Variants in EML4 observed in about 807,000 individuals in gnomAD.
EML4 encodes EMAP like 4, also known as echinoderm microtubule-associated protein-like 4.
Under a neutral mutation model 129.0 loss-of-function variants are expected in EML4, and 72 were observed. The observed-to-expected ratio is 0.56, with a 90% CI of 0.46 to 0.68. The LOEUF is 0.68. EML4 is among the 30% of genes least tolerant of loss of function. EML4 has a pLI of 0.00. For synonymous variants in EML4, 532 were observed against 405.0 expected, an observed-to-expected ratio of 1.31 and a Z score of -3.77; for missense variants, 1,363 against 1,190.6, an observed-to-expected ratio of 1.14 and a Z score of -2.13.
intron 17 of EML4, among the ~76,000 whole-genome samples, 200 bp downstream of exon 17, chr2:42,304,751 G>A (rs1047058420): frequency 1.3e-5 from 2 of 152,158 alleles, no homozygotes; most frequent in African/African-American, 4.8e-5. Context: ...ATGCTATTGT[G>A]TGTATTCAGA....
In EML4 at chr2:42,282,960, A is replaced by G; in HGVS notation, c.929A>G (p.Asp310Gly). 1 of 1,611,424 alleles carries G rather than the reference A, an allele frequency of 6.2e-7. No homozygotes were observed. Among genetic ancestry groups the G allele is most frequent in the East Asian group, 2.2e-5 (1 of 44,816 alleles). ...CAGCGACACTACCTGGGCCATACAG[A>G]CTGTGTGAAATGGTTGGTATCATTT... ...RTQRHYLGHT[D>G]CVKCLAIHPD... The change falls in exon 8 of 23, where the codon GAC becomes GGC. Residue 310 changes from aspartate to glycine, a missense_variant. Coordinates refer to ENST00000318522, the MANE Select transcript of EML4 (RefSeq NM_019063.5).
intron 1 of EML4, among the ~76,000 whole-genome samples, chr2:42,230,483 T>C (rs914964875): frequency 2.0e-5 from 3 of 152,212 alleles, no homozygotes; most frequent in Non-Finnish European, 4.4e-5. Context: ...CTTGGCTCAC[T>C]GTAACCTCCG....
intron 6 of EML4, among the ~76,000 whole-genome samples, chr2:42,276,090 G>A (rs563313832): frequency 6.6e-6 from 1 of 152,086 alleles, no homozygotes; most frequent in Non-Finnish European, 1.5e-5. Context: ...AATGACTGGG[G>A]AGAAAAGAGG....
chr2:42,176,203 C>T (rs1180477007), intron 1 of EML4, among the ~76,000 whole-genome samples: 3 of 152,152 alleles, frequency 2.0e-5, no homozygotes, highest in African/African-American at 7.2e-5. Flanking sequence ...GCCATTTTTG[C>T]CTAGGGCATT....
chr2:42,272,028 G>T (rs537359863), intron 6 of EML4, among the ~76,000 whole-genome samples: 1 of 150,602 alleles, frequency 6.6e-6, no homozygotes, highest in East Asian at 1.9e-4. Flanking sequence ...GCTTGAACCC[G>T]GGAGGCGGAG....
chr2:42,218,136 C>G (rs1673319698), intron 1 of EML4, among the ~76,000 whole-genome samples: 1 of 152,158 alleles, frequency 6.6e-6, no homozygotes, highest in East Asian at 1.9e-4. Flanking sequence ...TCATCACTCT[C>G]ATTACCACCT....
intron 11 of EML4, 70 bp from the exon 12 acceptor site, chr2:42,295,055 A>G: frequency 7.4e-7 from 1 of 1,345,678 alleles, no homozygotes; most frequent in Non-Finnish European, 1.0e-6. Flanking sequence ...TGTAAGTAGC[A>G]GTAATTGAAT....
chr2:42,184,391 C>T (rs376597099), intron 1 of EML4, among the ~76,000 whole-genome samples: 136 of 114,866 alleles, frequency 1.2e-3, no homozygotes, highest in Admixed American at 2.3e-3. Context: ...CCCCTCCCCC[C>T]ACCCCACAAC....
chr2:42,186,557 C>G (rs1349945235), intron 1 of EML4, among the ~76,000 whole-genome samples: 1 of 152,200 alleles, frequency 6.6e-6, no homozygotes. Context: ...ACATCACTGA[C>G]ATTTTGTTTT....
intron 6 of EML4, among the ~76,000 whole-genome samples, chr2:42,265,115 G>A (rs1043560748): frequency 1.3e-5 from 2 of 151,458 alleles, no homozygotes; most frequent in Non-Finnish European, 2.9e-5. Context: ...TTTTGAGACC[G>A]AGTCTCATTC....
chr2:42,304,431 C>T, intron 16 of EML4, 53 bp from the exon 17 acceptor site: 3 of 1,405,568 alleles, frequency 2.1e-6, no homozygotes, highest in Non-Finnish European at 3.0e-6. Flanking sequence ...GCTACTGTCC[C>T]CATAGGGAGA....
chr2:42,198,470 C>G (rs1245264197), intron 1 of EML4, among the ~76,000 whole-genome samples: 3 of 151,916 alleles, frequency 2.0e-5, no homozygotes, highest in Non-Finnish European at 4.4e-5. Context: ...TTTGGGAGGC[C>G]AAGGTGGGAG....
In EML4 at chr2:42,258,071, G is replaced by T. The variant is rs190067535; in HGVS notation, c.338+1441G>T. 1.9e-3 allele frequency among the ~76,000 whole-genome samples: 296 copies of T among 152,266 alleles called. 1 individual carries two copies. The highest frequency in any genetic ancestry group is 3.4e-3 in the Non-Finnish European group (228 of 68,014). On this transcript the variant is annotated intron_variant, in intron 3 of 22. Transcript: ENST00000318522. ...TTTCTTACATAGCTATTGCACTGTT[G>T]CTTGTTGCTGTGTAGTGATCAGTAT... is the stretch of plus-strand genomic sequence containing the variant.
chr2:42,245,582 G>A lies in EML4; in HGVS notation c.103G>A (p.Glu35Lys). The A allele has an allele frequency of 6.2e-7, 1 of 1,613,926 alleles. No individual in the cohort carries two copies. The highest frequency in any genetic ancestry group is 1.1e-5 in the South Asian group (1 of 91,078). ...SALESRVQQQ[E>K]DEITVLKAAL... Reference sequence around the variant, plus strand: ...TCTTGAGTCACGAGTTCAGCAACAAGAAGATGAAATCACTGTGCTAAAGGC... The same window carrying A: ...TCTTGAGTCACGAGTTCAGCAACAAAAAGATGAAATCACTGTGCTAAAGGC... The change falls in exon 2 of 23, where the codon GAA becomes AAA. Residue 35 changes from glutamate to lysine, a missense_variant. By Grantham distance (56) the Glu-to-Lys change is moderately conservative. Transcript: ENST00000318522.
intron 1 of EML4, among the ~76,000 whole-genome samples, chr2:42,213,198 G>C (rs890452437): frequency 2.0e-5 from 3 of 152,096 alleles, no homozygotes; most frequent in African/African-American, 7.2e-5. Context: ...ATAAAACACA[G>C]ATCACAAAAC....
chr2:42,254,424 C>A (rs1432990321), intron 2 of EML4, among the ~76,000 whole-genome samples: 1 of 149,438 alleles, frequency 6.7e-6, no homozygotes, highest in Non-Finnish European at 1.5e-5. Flanking sequence ...TGACATGGCA[C>A]TCCAGCCTGG....
intron 11 of EML4, among the ~76,000 whole-genome samples, chr2:42,294,363 G>T (rs549055825): frequency 6.6e-6 from 1 of 152,174 alleles, no homozygotes; most frequent in African/African-American, 2.4e-5. Flanking sequence ...TAAGGGTTCA[G>T]CCTGAAGGAC....
chr2:42,298,798 C>T (rs535549209), intron 13 of EML4, among the ~76,000 whole-genome samples: 37 of 152,046 alleles, frequency 2.4e-4, no homozygotes, highest in Non-Finnish European at 5.0e-4. Context: ...CATAGAAAAG[C>T]TTTATTTTCT....
chr2:42,209,741 C>G (rs7602608), intron 1 of EML4, among the ~76,000 whole-genome samples: 48,564 of 152,034 alleles, frequency 0.32, 8,509 homozygotes, highest in East Asian at 0.56. Flanking sequence ...ACCAGCCTGA[C>G]CAACACGGAG....
Sources: gnomAD v4.1 joint callset for allele counts (sites outside exome capture counted in the v4.1 genomes callset) on GRCh38, gnomAD v4.1.1 for gene constraint, MANE v1.5 for transcripts, NCBI Gene and HGNC (gene_info 2026-07-23, HGNC 2026-07-21) for gene names.